PTPRD: variants seen among roughly 807,000 people sequenced by gnomAD.
The protein encoded by PTPRD is protein tyrosine phosphatase receptor type D.
PTPRD carries 34 observed loss-of-function variants against 214.5 expected under a neutral mutation model. The ratio of observed to expected loss-of-function variants is 0.16; its 90% CI spans 0.12 to 0.21. The LOEUF (loss-of-function observed/expected upper bound fraction) is 0.21, where lower values mean the gene tolerates loss of function less well. Among genes scored for constraint, PTPRD ranks in the 10% least tolerant of loss-of-function variants. The pLI, the probability that PTPRD is intolerant of heterozygous loss-of-function variation, is 1.00. For synonymous variants in PTPRD, 1,128 were observed against 845.7 expected, an observed-to-expected ratio of 1.33 and a Z score of -5.79; for missense variants, 2,545 against 2,398.7, an observed-to-expected ratio of 1.06 and a Z score of -1.27.
At chr9:9,377,056 T>C (rs2060979623) in intron 9 of PTPRD, among the ~76,000 whole-genome samples, 1 of 152,072 alleles carries the variant, frequency 6.6e-6, no homozygotes, top group Non-Finnish European at 1.5e-5. Flanking sequence ...AGAATTTGGC[T>C]GGAGAATTGA....
chr9:8,578,237 T>A (rs962126830), intron 14 of PTPRD, among the ~76,000 whole-genome samples: 15 of 152,160 alleles, frequency 9.9e-5, no homozygotes, highest in Admixed American at 2.6e-4. Flanking sequence ...TAAGATCATA[T>A]GAAGTTATTT....
chr9:10,347,479 C>T (rs1401469464), intron 2 of PTPRD, among the ~76,000 whole-genome samples: 1 of 147,234 alleles, frequency 6.8e-6, no homozygotes, highest in East Asian at 2.0e-4. Context: ...GGCACAATCT[C>T]GGCTCACTGC....
chr9:8,336,172 C>T (rs1049271320), intron 43 of PTPRD, among the ~76,000 whole-genome samples: 2 of 148,980 alleles, frequency 1.3e-5, no homozygotes, highest in South Asian at 4.2e-4. Flanking sequence ...GCAAAAAGAA[C>T]AAGGCTTGAG....
intron 8 of PTPRD, among the ~76,000 whole-genome samples, chr9:9,425,552 T>G (rs1043394780): frequency 1.5e-5 from 2 of 136,954 alleles, no homozygotes; most frequent in Non-Finnish European, 3.1e-5. Flanking sequence ...TGCAGCCTCC[T>G]AACATATACA....
At chr9:8,964,998 G>GA (rs1459713462) in intron 11 of PTPRD, among the ~76,000 whole-genome samples, 12 of 152,046 alleles carry the variant, frequency 7.9e-5, no homozygotes, top group African/African-American at 2.9e-4. Flanking sequence ...AATTCCTTGT[G>GA]AAGATGAGAA....
At chr9:8,815,120 T>C (rs565132684) in intron 11 of PTPRD, among the ~76,000 whole-genome samples, 3 of 151,992 alleles carry the variant, frequency 2.0e-5, no homozygotes, top group Non-Finnish European at 4.4e-5. Flanking sequence ...TTTTTTTTTT[T>C]CATTTTCTCT....
At chr9:9,574,614 T>C (rs903904153) in intron 8 of PTPRD, 118 bp downstream of exon 8, 1 of 151,954 alleles carries the variant, frequency 6.6e-6, no homozygotes, top group Non-Finnish European at 1.5e-5. Context: ...TTCTTCAACA[T>C]TTATGGTTAA....
chr9:9,531,594 A>G (rs1196053888), intron 8 of PTPRD, among the ~76,000 whole-genome samples: 1 of 152,094 alleles, frequency 6.6e-6, no homozygotes, highest in African/African-American at 2.4e-5. Context: ...ATGTATCGGT[A>G]TCTCATTGTT....
intron 2 of PTPRD, among the ~76,000 whole-genome samples, chr9:10,418,103 G>A (rs982978848): frequency 8.6e-5 from 13 of 151,594 alleles, no homozygotes; most frequent in African/African-American, 2.7e-4. Context: ...AAGGCAAAGC[G>A]AAATATATGG....
At chr9:9,690,823 T>C (rs1484388337) in intron 7 of PTPRD, among the ~76,000 whole-genome samples, 11 of 151,994 alleles carry the variant, frequency 7.2e-5, no homozygotes, top group Non-Finnish European at 7.4e-5. Flanking sequence ...TTGGTGTATG[T>C]GTCTTCTTTT....
At chr9:10,508,042 T>C (rs890192036) in intron 2 of PTPRD, among the ~76,000 whole-genome samples, 11 of 151,838 alleles carry the variant, frequency 7.2e-5, no homozygotes, top group Non-Finnish European at 1.2e-4. Flanking sequence ...ATTTTTGCAA[T>C]CTACTTATCT....
rs201484940 is a variant in PTPRD, at chr9:8,849,218, CAGGCTGG to C, written c.-103-115279_-103-115273del. On this transcript the variant is annotated intron_variant, in intron 11 of 45. Coordinates refer to ENST00000381196, the MANE Select transcript of PTPRD (RefSeq NM_002839.4). ...TGAGACGGAGTCTCGCTTTGTCCCCCAGGCTGGAGTGCATTGGTGTAATCTCAGTTCA... is the reference window on the plus strand; with the variant it reads ...TGAGACGGAGTCTCGCTTTGTCCCCCAGTGCATTGGTGTAATCTCAGTTCA... Among the ~76,000 whole-genome samples the C allele has an allele frequency of 8.6e-3, 1,289 of 149,986 alleles. 19 individuals are homozygous for C. The highest frequency in any genetic ancestry group is 0.03 in the African/African-American group (1,211 of 40,756).
intron 14 of PTPRD, among the ~76,000 whole-genome samples, chr9:8,596,367 A>G (rs2094476611): frequency 6.6e-6 from 1 of 152,060 alleles, no homozygotes; most frequent in Non-Finnish European, 1.5e-5. Flanking sequence ...TTACTTTTAA[A>G]GCACTCTGGG....
At chr9:10,342,521 A>G (rs2096961077) in intron 2 of PTPRD, among the ~76,000 whole-genome samples, 1 of 152,132 alleles carries the variant, frequency 6.6e-6, no homozygotes, top group African/African-American at 2.4e-5. Context: ...CTAATTATAC[A>G]CTAGAAAACA....
chr9:8,824,328 C>T (rs2097134430), intron 11 of PTPRD, among the ~76,000 whole-genome samples: 1 of 152,022 alleles, frequency 6.6e-6, no homozygotes, highest in Non-Finnish European at 1.5e-5. Context: ...TAAGGGTTGC[C>T]CAGGGACAAA....
chr9:9,740,802 T>A (rs186040436), intron 6 of PTPRD, among the ~76,000 whole-genome samples: 95 of 152,340 alleles, frequency 6.2e-4, no homozygotes, highest in African/African-American at 2.2e-3. Flanking sequence ...TCTCGGGCTG[T>A]AAACTCACTA....
At chr9:8,577,224 TTTTA>T (rs201438604) in intron 14 of PTPRD, among the ~76,000 whole-genome samples, 13,468 of 145,284 alleles carry the variant, frequency 0.093, 801 homozygotes, top group Middle Eastern at 0.17. Context: ...ACTTGAACTC[TTTTA>T]TTTTTTATTT....
intron 2 of PTPRD, among the ~76,000 whole-genome samples, chr9:10,413,035 C>A (rs2154512405): frequency 6.6e-6 from 1 of 152,024 alleles, no homozygotes; most frequent in East Asian, 2.0e-4. Context: ...TGAAAGCTTT[C>A]CCCTTGAAAA....
intron 3 of PTPRD, among the ~76,000 whole-genome samples, chr9:10,257,672 A>G (rs1199549562): frequency 1.3e-5 from 2 of 152,072 alleles, no homozygotes; most frequent in Non-Finnish European, 2.9e-5. Flanking sequence ...GAGACATCTG[A>G]CCCCACCTGG....
Sources: allele counts gnomAD v4.1 joint callset (sites outside exome capture counted in the v4.1 genomes callset), GRCh38; gene constraint gnomAD v4.1.1; transcripts MANE v1.5; gene names NCBI Gene and HGNC (gene_info 2026-07-23, HGNC 2026-07-21).